The following MYOZ2 variants were observed in gnomAD, a reference collection of about 807,000 sequenced individuals.
The protein encoded by MYOZ2 is myozenin-2.
MYOZ2 carries 19 observed loss-of-function variants against 25.4 expected under a neutral mutation model. The ratio of observed to expected loss-of-function variants is 0.75; its 90% confidence interval spans 0.52 to 1.10. The LOEUF (loss-of-function observed/expected upper bound fraction) is 1.10. MYOZ2 is among the 50% of genes least tolerant of loss of function. MYOZ2 has a pLI of 0.00. For missense variants in MYOZ2, 270 were observed against 317.9 expected, an observed-to-expected ratio of 0.85 and a Z score of 1.15; for synonymous variants, 92 against 106.9, an observed-to-expected ratio of 0.86 and a Z score of 0.86.
At chr4:119,138,527 T>C (rs1741087628) in intron 2 of MYOZ2, among the ~76,000 whole-genome samples, 1 of 152,204 alleles carries the variant, frequency 6.6e-6, no homozygotes. Context: ...GGAATGATCC[T>C]CCAAACTTTC....
rs1741012121 is a variant in MYOZ2, at chr4:119,135,889, C to G, written c.-108C>G. 1 of 156,618 alleles carries G rather than the reference C, an allele frequency of 6.4e-6. No individual in the cohort carries two copies. Among genetic ancestry groups the G allele is most frequent in the African/African-American group, 2.4e-5 (1 of 41,466 alleles). 9.7% of individuals were successfully genotyped at this position (156,618 alleles called of 1,614,324 possible). On this transcript the variant is annotated 5_prime_UTR_variant, in exon 1 of 6. Coordinates refer to ENST00000307128, the MANE Select transcript of MYOZ2 (RefSeq NM_016599.5). Reference sequence around the variant, plus strand: ...CTGTCCCAGGTTCAAGGATAAAAACCATCAGGCCCAAGTGCCATCCATAGT... The same window carrying G: ...CTGTCCCAGGTTCAAGGATAAAAACGATCAGGCCCAAGTGCCATCCATAGT...
chr4:119,176,870 C>G (rs1472829374), intron 5 of MYOZ2, among the ~76,000 whole-genome samples: 2 of 152,182 alleles, frequency 1.3e-5, no homozygotes, highest in Non-Finnish European at 2.9e-5. Context: ...ATCTTGAGCT[C>G]TTGTCAAAGT....
intron 4 of MYOZ2, among the ~76,000 whole-genome samples, chr4:119,158,512 ACTGC>A (rs1741636171): frequency 3.9e-5 from 6 of 152,102 alleles, no homozygotes; most frequent in Admixed American, 2.0e-4. Context: ...TGATCACACC[ACTGC>A]ACTCCATCCA....
intron 3 of MYOZ2, among the ~76,000 whole-genome samples, chr4:119,157,425 A>T (rs1436148122): frequency 6.6e-6 from 1 of 152,106 alleles, no homozygotes; most frequent in East Asian, 1.9e-4. Flanking sequence ...AGACAAATGT[A>T]TTTTTTCAGC....
At chr4:119,175,803 A>T (rs184277477) in intron 5 of MYOZ2, among the ~76,000 whole-genome samples, 2 of 151,840 alleles carry the variant, frequency 1.3e-5, no homozygotes, top group Non-Finnish European at 2.9e-5. Flanking sequence ...GTGCAATTGC[A>T]TGGGGCCCCA....
chr4:119,173,109 A>T (rs1262049438), intron 5 of MYOZ2, among the ~76,000 whole-genome samples: 1 of 152,220 alleles, frequency 6.6e-6, no homozygotes, highest in Non-Finnish European at 1.5e-5. Flanking sequence ...TTATAGAATA[A>T]TTAGTAATTA....
chr4:119,160,257 G>A (rs1437108071), intron 4 of MYOZ2, among the ~76,000 whole-genome samples: 1 of 151,380 alleles, frequency 6.6e-6, no homozygotes, highest in Non-Finnish European at 1.5e-5. Context: ...TTATGCAATA[G>A]AATACACAGA....
chr4:119,143,993 C>T (rs1211859152), intron 2 of MYOZ2, among the ~76,000 whole-genome samples: 4 of 152,038 alleles, frequency 2.6e-5, no homozygotes, highest in Admixed American at 2.0e-4. Flanking sequence ...GTGGTAACAT[C>T]GAGCAAAACT....
At chr4:119,154,871 GCA>G (rs199708837) in intron 3 of MYOZ2, among the ~76,000 whole-genome samples, 41,754 of 147,612 alleles carry the variant, frequency 0.28, 6,231 homozygotes, top group African/African-American at 0.38. Context: ...ACACACACAC[GCA>G]CACACACACA....
chr4:119,154,033 T>C (rs1207192312), intron 3 of MYOZ2, among the ~76,000 whole-genome samples: 1 of 152,134 alleles, frequency 6.6e-6, no homozygotes, highest in Non-Finnish European at 1.5e-5. Context: ...TTATATTTTT[T>C]GAATCACTAG....
chr4:119,144,864 T>TCCCA (rs1741250069), intron 2 of MYOZ2, among the ~76,000 whole-genome samples: 1 of 152,230 alleles, frequency 6.6e-6, no homozygotes, highest in East Asian at 1.9e-4. Context: ...GTTACATGTT[T>TCCCA]TGAAAATATT....
intron 5 of MYOZ2, among the ~76,000 whole-genome samples, chr4:119,166,222 T>C (rs1260354468): frequency 1.3e-5 from 2 of 152,160 alleles, no homozygotes; most frequent in Admixed American, 6.5e-5. Context: ...CAAAACATGA[T>C]ATGATACATA....
chr4:119,162,231 G>A (rs1418636083), intron 4 of MYOZ2, among the ~76,000 whole-genome samples: 1 of 152,140 alleles, frequency 6.6e-6, no homozygotes, highest in Non-Finnish European at 1.5e-5. Flanking sequence ...ACCCCAAGCA[G>A]CAAGTAACTA....
intron 5 of MYOZ2, among the ~76,000 whole-genome samples, chr4:119,176,152 G>T (rs2149228577): frequency 6.6e-6 from 1 of 152,298 alleles, no homozygotes; most frequent in South Asian, 2.1e-4. Context: ...TCCCTAGCAT[G>T]CAGCATTGTA....
At chr4:119,175,260 A>T (rs1742042665) in intron 5 of MYOZ2, among the ~76,000 whole-genome samples, 1 of 152,180 alleles carries the variant, frequency 6.6e-6, no homozygotes, top group Admixed American at 6.5e-5. Flanking sequence ...CTGGATAAAA[A>T]GGGGAAAAGC....
chr4:119,140,393 T>C (rs1741137524), intron 2 of MYOZ2, among the ~76,000 whole-genome samples: 1 of 152,172 alleles, frequency 6.6e-6, no homozygotes, highest in Admixed American at 6.5e-5. Context: ...ATATATAAAG[T>C]TTATAGAAGA....
At chr4:119,178,577 C>G (rs949813788) in intron 5 of MYOZ2, among the ~76,000 whole-genome samples, 1 of 152,112 alleles carries the variant, frequency 6.6e-6, no homozygotes, top group Non-Finnish European at 1.5e-5. Flanking sequence ...ATACTCTATA[C>G]CATCAGCAAC....
chr4:119,174,112 T>C (rs1013280230), intron 5 of MYOZ2, among the ~76,000 whole-genome samples: 4 of 151,984 alleles, frequency 2.6e-5, no homozygotes, highest in Admixed American at 6.6e-5. Flanking sequence ...CCCCGACGAG[T>C]GCCACCTCCT....
intron 5 of MYOZ2, among the ~76,000 whole-genome samples, chr4:119,170,490 C>T (rs974225292): frequency 6.6e-6 from 1 of 151,938 alleles, no homozygotes; most frequent in Non-Finnish European, 1.5e-5. Flanking sequence ...ATTTCATAGA[C>T]ATTATGTATA....
Sources: allele counts gnomAD v4.1 joint callset (sites outside exome capture counted in the v4.1 genomes callset), GRCh38; gene constraint gnomAD v4.1.1; transcripts MANE v1.5; gene names NCBI Gene and HGNC (gene_info 2026-07-23, HGNC 2026-07-21).